NFYC: variants seen among roughly 807,000 people sequenced by gnomAD.
NFYC encodes the protein CAAT box DNA-binding protein subunit C.
NFYC carries 25 observed loss-of-function variants against 53.1 expected under a neutral mutation model. The ratio of observed to expected loss-of-function variants is 0.47; its 90% CI spans 0.34 to 0.66. The LOEUF (loss-of-function observed/expected upper bound fraction) is 0.66. Among genes scored for constraint, NFYC ranks in the 30% least tolerant of loss-of-function variants. The probability of loss-of-function intolerance (pLI) is 0.01; values close to 1 mark genes in which losing one functional copy is unlikely to be tolerated. For missense variants in NFYC, 260 were observed against 422.7 expected (o/e 0.62, Z 3.38); for synonymous variants, 145 against 152.6 (o/e 0.95, Z 0.37).
At chr1:40,706,609 G>A (rs1643702048) in intron 1 of NFYC, among the ~76,000 whole-genome samples, 1 of 152,066 alleles carries the variant, frequency 6.6e-6, no homozygotes. Context: ...GATTGTTAAA[G>A]GCCTCAGGTA....
At chr1:40,725,416 C>T (rs907086136) in intron 1 of NFYC, among the ~76,000 whole-genome samples, 2 of 152,176 alleles carry the variant, frequency 1.3e-5, no homozygotes, top group African/African-American at 4.8e-5. Flanking sequence ...AGTACACAGA[C>T]GTAGGTCTTT....
intron 1 of NFYC, among the ~76,000 whole-genome samples, chr1:40,722,019 AAGTT>A (rs1195989633): frequency 1.3e-5 from 2 of 152,042 alleles, no homozygotes; most frequent in Non-Finnish European, 2.9e-5. Flanking sequence ...AAATACAAAA[AAGTT>A]AGCCAGGCGT....
At chr1:40,749,727 G>A (rs1645805965) in intron 4 of NFYC, 41 bp downstream of exon 4, 2 of 1,512,334 alleles carry the variant, frequency 1.3e-6, no homozygotes, top group South Asian at 1.1e-5. Context: ...GGGGTAAGCA[G>A]CAGCCTTTGC....
At position 40,769,891 on chromosome 1, in the gene NFYC, C is replaced by T. The variant is rs181956376; in HGVS notation, c.888+476C>T. On this transcript the variant is annotated intron_variant, in intron 9 of 9. Transcript: ENST00000447388. Reference sequence around the variant, plus strand: ...TCAGTCCATGCGAGGAGAGAATCTTCCCTTTTCCCTCTGCTTTCCCCTCAC... The same window carrying T: ...TCAGTCCATGCGAGGAGAGAATCTTTCCTTTTCCCTCTGCTTTCCCCTCAC... Among the ~76,000 whole-genome samples the T allele has an allele frequency of 6.7e-3, 1,026 of 152,310 alleles. 4 individuals are homozygous for T. Among genetic ancestry groups the T allele is most frequent in the Non-Finnish European group, 0.013 (861 of 68,038 alleles).
At chr1:40,698,349 G>A (rs1434092384) in intron 1 of NFYC, among the ~76,000 whole-genome samples, 1 of 151,048 alleles carries the variant, frequency 6.6e-6, no homozygotes, top group African/African-American at 2.4e-5. Context: ...GTGACAGAAC[G>A]GGATTCCCTC....
Position 40,749,568 on chromosome 1 carries a change from T to C in NFYC, c.178-5T>C. On this transcript the variant is annotated splice_polypyrimidine_tract_variant and splice_region_variant and intron_variant, in intron 3 of 9. Transcript: ENST00000447388. ...ATTGACAGGGAGGGCCTGTGTCTGT[T>C]ACAGATGATCAGTGCAGAAGCGCCT... is the stretch of plus-strand genomic sequence containing the variant. 6.2e-7 allele frequency: 1 copy of C among 1,612,322 alleles called. No homozygotes were observed. The highest frequency in any genetic ancestry group is 8.5e-7 in the Non-Finnish European group (1 of 1,178,368).
intron 6 of NFYC, among the ~76,000 whole-genome samples, chr1:40,760,018 C>T (rs1459766871): frequency 1.3e-5 from 2 of 152,192 alleles, no homozygotes; most frequent in Non-Finnish European, 2.9e-5. Context: ...TGTAGTAGCA[C>T]AATCATAGCT....
chr1:40,731,330 A>G (rs1385141474), intron 1 of NFYC, among the ~76,000 whole-genome samples: 1 of 151,726 alleles, frequency 6.6e-6, no homozygotes, highest in Non-Finnish European at 1.5e-5. Context: ...GCCTGCCACC[A>G]TGCCTGGCTA....
At chr1:40,753,066 C>A (rs1481379687) in intron 4 of NFYC, 85 bp from the exon 5 acceptor site, 1 of 926,966 alleles carries the variant, frequency 1.1e-6, no homozygotes, top group Admixed American at 2.0e-5. Context: ...GCTTAAAAGT[C>A]GTCTTACCTT....
rs576842147 is a variant in NFYC at position 40,697,444 on chromosome 1, G to A, written c.-9+5577G>A. 5.9e-5 allele frequency among the ~76,000 whole-genome samples: 9 copies of A among 152,348 alleles called. No individual in the cohort carries two copies. In the South Asian group the frequency reaches 1.7e-3, roughly 28 times the overall value. ...TGTGAGGTCAGTCTTACTTTTGAAT[G>A]CACAAAGTAGTAGGATCATTTGTTT... On this transcript the variant is annotated intron_variant, in intron 1 of 9. Transcript: ENST00000447388.
At chr1:40,728,023 C>T (rs938882126) in intron 1 of NFYC, among the ~76,000 whole-genome samples, 66 of 152,056 alleles carry the variant, frequency 4.3e-4, no homozygotes, top group African/African-American at 1.5e-3. Flanking sequence ...ACTGCAGCCT[C>T]ATGCTTTGGC....
chr1:40,732,937 T>C (rs1478537514), intron 1 of NFYC, among the ~76,000 whole-genome samples: 5 of 151,800 alleles, frequency 3.3e-5, no homozygotes, highest in Admixed American at 3.3e-4. Context: ...GCTTCTGGAA[T>C]AGCTTGTGTA....
chr1:40,755,120 C>T (rs1181930645), intron 5 of NFYC, among the ~76,000 whole-genome samples: 1 of 152,164 alleles, frequency 6.6e-6, no homozygotes, highest in Non-Finnish European at 1.5e-5. Flanking sequence ...CAAAACCCAC[C>T]CTTTCTGAAG....
chr1:40,706,588 A>G (rs1402113103), intron 1 of NFYC, among the ~76,000 whole-genome samples: 1 of 152,190 alleles, frequency 6.6e-6, no homozygotes, highest in Non-Finnish European at 1.5e-5. Context: ...GGGAGGAAGC[A>G]GATCTAAGGA....
At chr1:40,747,236 G>C (rs527266005) in intron 2 of NFYC, among the ~76,000 whole-genome samples, 1 of 86,760 alleles carries the variant, frequency 1.2e-5, no homozygotes, top group South Asian at 5.2e-4. Context: ...CCTCTATGTT[G>C]TGCTGACGAA....
chr1:40,702,701 G>A (rs1570313754), intron 1 of NFYC, among the ~76,000 whole-genome samples: 1 of 152,118 alleles, frequency 6.6e-6, no homozygotes, highest in Non-Finnish European at 1.5e-5. Context: ...TTGTTTGTTT[G>A]TTAAACCTTG....
At chr1:40,742,177 C>G (rs933054969) in intron 2 of NFYC, among the ~76,000 whole-genome samples, 2 of 150,488 alleles carry the variant, frequency 1.3e-5, no homozygotes, top group African/African-American at 4.9e-5. Flanking sequence ...CTCCAAAGCA[C>G]TGGGATTACA....
intron 6 of NFYC, among the ~76,000 whole-genome samples, chr1:40,762,054 GTGTCT>G (rs1487420273): frequency 6.6e-6 from 1 of 152,054 alleles, no homozygotes; most frequent in African/African-American, 2.4e-5. Flanking sequence ...TTGGCAGCTT[GTGTCT>G]TTACCGTCTC....
intron 1 of NFYC, chr1:40,723,619 C>T (rs1644403558): frequency 6.6e-6 from 1 of 152,182 alleles, no homozygotes; most frequent in Non-Finnish European, 1.5e-5. Context: ...AAACACCTAA[C>T]AGTGCTTTAA....
Sources: allele counts gnomAD v4.1 joint callset (sites outside exome capture counted in the v4.1 genomes callset), GRCh38; gene constraint gnomAD v4.1.1; transcripts MANE v1.5; gene names NCBI Gene and HGNC (gene_info 2026-07-23, HGNC 2026-07-21).